Variants in EFHC1 observed in about 807,000 individuals in gnomAD.
EFHC1 encodes EF-hand domain containing 1, also known as EF-hand domain-containing protein 1.
A neutral mutation model predicts 69.9 loss-of-function variants in EFHC1; 53 were observed. That is an observed-to-expected ratio of 0.76 (90% CI 0.61 to 0.95). The LOEUF is 0.95. Ranked by LOEUF, EFHC1 falls within the 40% of genes least tolerant of loss-of-function variation. The pLI is 0.00. For synonymous variants in EFHC1, 256 were observed against 278.4 expected (o/e 0.92, Z 0.80); for missense variants, 739 against 798.7 (o/e 0.93, Z 0.90).
At chr6:52,425,276 A>G (rs186001720) in intron 2 of EFHC1, among the ~76,000 whole-genome samples, 149 of 152,228 alleles carry the variant, frequency 9.8e-4, no homozygotes, top group Non-Finnish European at 1.7e-3. Flanking sequence ...TCTTTTGTTT[A>G]TTTGTGGCTT....
chr6:52,470,510 T>G (rs946044516), intron 7 of EFHC1, among the ~76,000 whole-genome samples: 1 of 152,218 alleles, frequency 6.6e-6, no homozygotes. Context: ...AGAATTTATT[T>G]CTGCACACAT....
chr6:52,427,550 C>T (rs977161920), intron 2 of EFHC1, among the ~76,000 whole-genome samples: 1 of 73,958 alleles, frequency 1.4e-5, no homozygotes, highest in African/African-American at 5.6e-5. Flanking sequence ...TATCACTTCC[C>T]TCTCTTTTTT....
chr6:52,479,806 G>C lies in EFHC1; in HGVS notation c.1640+19G>C, dbSNP rs1303813611. The C allele has an allele frequency of 1.9e-6, 3 of 1,613,308 alleles. No individual in the cohort carries two copies. The Admixed American group carries it at 5.0e-5, about 27-fold the overall frequency. ...CAGAAAGGTGTGTGTTTGATTGCTA[G>C]GGTTTGGCACACTCAAGATATTCAG... is the stretch of plus-strand genomic sequence containing the variant. On this transcript the variant is annotated intron_variant, in intron 9 of 10. Transcript: ENST00000371068.
chr6:52,424,618 G>T (rs763367822), intron 2 of EFHC1, among the ~76,000 whole-genome samples: 1 of 152,128 alleles, frequency 6.6e-6, no homozygotes, highest in African/African-American at 2.4e-5. Flanking sequence ...TTGGTTTTCA[G>T]GGAACATTTC....
At chr6:52,443,480 G>A (rs1015568314) in intron 3 of EFHC1, among the ~76,000 whole-genome samples, 2 of 152,108 alleles carry the variant, frequency 1.3e-5, no homozygotes, top group Non-Finnish European at 1.5e-5. Flanking sequence ...TGTAAGGAAG[G>A]GATCCAGTTT....
At chr6:52,427,740 CTG>C (rs796919480) in intron 2 of EFHC1, among the ~76,000 whole-genome samples, 7 of 152,226 alleles carry the variant, frequency 4.6e-5, no homozygotes, top group African/African-American at 1.7e-4. Flanking sequence ...TATTTCTTGT[CTG>C]TGTCACTGCT....
At position 52,452,725 on chromosome 6, in the gene EFHC1, C is replaced by T; in HGVS notation, c.611C>T (p.Pro204Leu). The T allele has an allele frequency of 6.2e-7, 1 of 1,614,142 alleles. No homozygotes were observed. Among genetic ancestry groups the T allele is most frequent in the South Asian group, 1.1e-5 (1 of 91,080 alleles). Residue 204 changes from proline to leucine, a missense_variant, in exon 4 of 11, where the codon CCA becomes CTA. Physicochemically the swap from Pro to Leu is moderately conservative, Grantham distance 98. Transcript: ENST00000371068. Reference sequence around the variant, plus strand: ...AGCCAAGGAATTGAGTTAAATCCACCAGAGAAGATGGCTCTTGATCCTTAC... The same window carrying T: ...AGCCAAGGAATTGAGTTAAATCCACTAGAGAAGATGGCTCTTGATCCTTAC... ...LESQGIELNP[P>L]EKMALDPYTE...
intron 5 of EFHC1, among the ~76,000 whole-genome samples, chr6:52,462,217 G>A (rs2114004520): frequency 6.6e-6 from 1 of 151,422 alleles, no homozygotes; most frequent in South Asian, 2.1e-4. Flanking sequence ...TAACCCATGA[G>A]TTAAAAAAAA....
intron 3 of EFHC1, among the ~76,000 whole-genome samples, chr6:52,443,563 G>A (rs1257721249): frequency 1.8e-4 from 27 of 152,132 alleles, no homozygotes; most frequent in Admixed American, 5.9e-4. Context: ...CCCATTGCTT[G>A]TTTTTCTCAG....
intron 2 of EFHC1, among the ~76,000 whole-genome samples, chr6:52,424,695 T>G (rs1455600416): frequency 2.0e-5 from 3 of 152,248 alleles, no homozygotes; most frequent in Non-Finnish European, 2.9e-5. Context: ...ATCTTTATGT[T>G]TTTGCAATGT....
rs1581820175 is a variant in EFHC1, at chr6:52,440,204, C to CTA, written c.573+1614_573+1615insAT. ...TAATCTCTGGCCACATTTTTGTCAA[C>CTA]TGATCAATACATAAGTTTGATTCAT... On this transcript the variant is annotated intron_variant, in intron 3 of 10. Transcript: ENST00000371068. 9.9e-5 allele frequency among the ~76,000 whole-genome samples: 15 copies of CTA among 152,214 alleles called. No individual in the cohort carries two copies. The East Asian group carries it at 2.9e-3, about 29-fold the overall frequency.
intron 7 of EFHC1, among the ~76,000 whole-genome samples, chr6:52,476,419 G>A (rs953963170): frequency 1.3e-5 from 2 of 152,140 alleles, no homozygotes; most frequent in African/African-American, 4.8e-5. Context: ...ATCCAGCAAT[G>A]GCTGCTAAAA....
At chr6:52,426,195 A>T (rs1401476367) in intron 2 of EFHC1, among the ~76,000 whole-genome samples, 1 of 152,198 alleles carries the variant, frequency 6.6e-6, no homozygotes, top group African/African-American at 2.4e-5. Flanking sequence ...CAAATCACTT[A>T]CAATCTGACT....
intron 3 of EFHC1, among the ~76,000 whole-genome samples, chr6:52,450,333 T>C (rs578086571): frequency 3.3e-5 from 5 of 152,250 alleles, no homozygotes; most frequent in African/African-American, 9.6e-5. Context: ...TTTGGTCCAA[T>C]GTTGAGTTAG....
chr6:52,430,665 T>C (rs1764395173), intron 2 of EFHC1, among the ~76,000 whole-genome samples: 1 of 152,148 alleles, frequency 6.6e-6, no homozygotes, highest in South Asian at 2.1e-4. Context: ...CAGTCTATAG[T>C]TTTATTTTTT....
chr6:52,452,467 A>T (rs1562452200), intron 3 of EFHC1, among the ~76,000 whole-genome samples: 1 of 152,060 alleles, frequency 6.6e-6, no homozygotes, highest in Non-Finnish European at 1.5e-5. Context: ...AACCAGTCTA[A>T]CTTTTAAATG....
intron 3 of EFHC1, among the ~76,000 whole-genome samples, chr6:52,448,126 GA>G (rs1764829975): frequency 6.6e-6 from 1 of 152,262 alleles, no homozygotes; most frequent in East Asian, 1.9e-4. Flanking sequence ...TAAGTCTGCA[GA>G]AGTTTCTGCT....
intron 5 of EFHC1, among the ~76,000 whole-genome samples, chr6:52,458,994 A>G (rs1325492404): frequency 6.6e-6 from 1 of 152,242 alleles, no homozygotes; most frequent in Non-Finnish European, 1.5e-5. Flanking sequence ...TACTAAGTGA[A>G]TTAACACAGA....
At chr6:52,454,040 A>T in intron 4 of EFHC1, 55 bp from the exon 5 acceptor site, 1 of 1,610,846 alleles carries the variant, frequency 6.2e-7, no homozygotes. Flanking sequence ...CAAAGTAGCC[A>T]AGTTGAACTC....
Sources: gnomAD v4.1 joint callset for allele counts (sites outside exome capture counted in the v4.1 genomes callset) on GRCh38, gnomAD v4.1.1 for gene constraint, MANE v1.5 for transcripts, NCBI Gene and HGNC (gene_info 2026-07-23, HGNC 2026-07-21) for gene names.